INTU: variants seen among roughly 807,000 people sequenced by gnomAD.
The protein encoded by INTU is protein inturned.
INTU carries 68 observed loss-of-function variants against 100.5 expected under a neutral mutation model. The ratio of observed to expected loss-of-function variants is 0.68; its 90% CI spans 0.56 to 0.83. The LOEUF is 0.83. Among genes scored for constraint, INTU ranks in the 40% least tolerant of loss-of-function variants. The pLI is 0.00. For missense variants in INTU, 1,071 were observed against 1,114.7 expected (o/e 0.96, Z 0.56); for synonymous variants, 357 against 395.7 (o/e 0.90, Z 1.16).
intron 2 of INTU, among the ~76,000 whole-genome samples, chr4:127,650,198 TTTTTG>T (rs1035020188): frequency 2.6e-5 from 4 of 151,924 alleles, no homozygotes; most frequent in East Asian, 1.9e-4. Context: ...TTCAGGTGGG[TTTTTG>T]TTTTGTTTTG....
intron 2 of INTU, among the ~76,000 whole-genome samples, chr4:127,650,382 C>A (rs1336769628): frequency 1.6e-5 from 2 of 123,572 alleles, no homozygotes; most frequent in African/African-American, 3.1e-5. Flanking sequence ...CCTCCCCCCA[C>A]CCCACCACAG....
intron 2 of INTU, among the ~76,000 whole-genome samples, chr4:127,653,069 C>T (rs1424543711): frequency 6.6e-6 from 1 of 151,720 alleles, no homozygotes; most frequent in Non-Finnish European, 1.5e-5. Flanking sequence ...GTGGTGATAT[C>T]TCCTTTATCA....
chr4:127,663,527 T>G lies in INTU; in HGVS notation c.915T>G (p.Thr305=). The change falls in exon 4 of 16, where the codon ACT becomes ACG. Residue 305 remains threonine, a synonymous_variant. Transcript: ENST00000335251. ...GTATCCAGCAGAGTGGCCTAAACACTCCTCATATCATTATGTATCTCACAC... is the reference window on the plus strand; with the variant it reads ...GTATCCAGCAGAGTGGCCTAAACACGCCTCATATCATTATGTATCTCACAC... ...VEGIQQSGLN[T]PHIIMYLTLQ... 6.2e-7 allele frequency: 1 copy of G among 1,613,406 alleles called. No individual in the cohort carries two copies. Among genetic ancestry groups the G allele is most frequent in the Non-Finnish European group, 8.5e-7 (1 of 1,179,570 alleles).
chr4:127,677,123 C>T (rs1444845391), intron 6 of INTU, among the ~76,000 whole-genome samples: 3 of 152,216 alleles, frequency 2.0e-5, no homozygotes, highest in African/African-American at 7.2e-5. Context: ...GAGCCCACCA[C>T]AGCTCAAGGA....
At chr4:127,656,493 A>G (rs1578553342) in intron 2 of INTU, 143 bp from the exon 3 acceptor site, 1 of 590,008 alleles carries the variant, frequency 1.7e-6, no homozygotes, top group African/African-American at 1.8e-5. Flanking sequence ...AGCTGTATAA[A>G]CCTGGACAAG....
At chr4:127,669,215 A>G (rs1342752092) in intron 5 of INTU, 61 bp downstream of exon 5, 30 of 752,574 alleles carry the variant, frequency 4.0e-5, no homozygotes, top group Non-Finnish European at 5.9e-5. Context: ...TCACCCTGAC[A>G]AAATGCTAAA....
chr4:127,661,069 T>C (rs1193379175), intron 3 of INTU, among the ~76,000 whole-genome samples: 1 of 152,232 alleles, frequency 6.6e-6, no homozygotes, highest in Admixed American at 6.5e-5. Context: ...ATTTGTATTA[T>C]GGAGCCAACT....
chr4:127,671,104 A>C (rs906920747), intron 5 of INTU, among the ~76,000 whole-genome samples: 2 of 152,064 alleles, frequency 1.3e-5, no homozygotes, highest in Non-Finnish European at 2.9e-5. Flanking sequence ...AAACCAAAAA[A>C]TAGATAAGTA....
intron 2 of INTU, among the ~76,000 whole-genome samples, chr4:127,652,268 T>C (rs1226828748): frequency 6.4e-4 from 94 of 146,106 alleles, no homozygotes; most frequent in African/African-American, 1.7e-3. Context: ...TGAATAGGAG[T>C]GGTGAGAGAC....
At chr4:127,652,831 G>A (rs1461990475) in intron 2 of INTU, among the ~76,000 whole-genome samples, 1 of 132,908 alleles carries the variant, frequency 7.5e-6, no homozygotes, top group Non-Finnish European at 1.6e-5. Context: ...GTAGAATTCG[G>A]CTGTGAATCC....
At chr4:127,710,336 AATACAATAT>A (rs1382257159) in intron 13 of INTU, among the ~76,000 whole-genome samples, 3 of 151,928 alleles carry the variant, frequency 2.0e-5, no homozygotes, top group Non-Finnish European at 4.4e-5. Flanking sequence ...ATCTTTGTAA[AATACAATAT>A]ATATAATATA....
intron 3 of INTU, among the ~76,000 whole-genome samples, chr4:127,662,713 A>G (rs1041613959): frequency 6.6e-6 from 1 of 152,158 alleles, no homozygotes; most frequent in Non-Finnish European, 1.5e-5. Flanking sequence ...CTACCTTTCC[A>G]TACCTGTGGA....
At chr4:127,655,031 T>C (rs1465142387) in intron 2 of INTU, among the ~76,000 whole-genome samples, 1 of 152,172 alleles carries the variant, frequency 6.6e-6, no homozygotes, top group Admixed American at 6.5e-5. Flanking sequence ...CTGAGGCTTC[T>C]GCATTCTTCA....
chr4:127,679,188 G>C (rs1449642311), intron 6 of INTU, among the ~76,000 whole-genome samples: 1 of 152,144 alleles, frequency 6.6e-6, no homozygotes, highest in South Asian at 2.1e-4. Context: ...ACATTAGACA[G>C]ATCAATGAGA....
rs1294825553 is a variant in INTU, at chr4:127,722,061, C to T, written c.*5625C>T. ...AGGCACTCTGGCTTTCTGAGTTTTC[C>T]GTATCCTTGCATTCTTTCTCATCTT... On this transcript the variant is annotated 3_prime_UTR_variant, in exon 16 of 16. Transcript: ENST00000335251. 1 of 152,192 alleles carries T rather than the reference C, an allele frequency of 6.6e-6. No individual in the cohort carries two copies. The highest frequency in any genetic ancestry group is 6.5e-5 in the Admixed American group (1 of 15,268). The allele number at this position is 152,192 out of a possible 1,614,324, so 9.4% of individuals were successfully genotyped here.
At chr4:127,703,221 T>C (rs1730725104) in intron 9 of INTU, among the ~76,000 whole-genome samples, 1 of 152,206 alleles carries the variant, frequency 6.6e-6, no homozygotes, top group Admixed American at 6.5e-5. Context: ...TCACAATTTG[T>C]TTATCCATTC....
At chr4:127,679,773 T>C (rs1729427883) in intron 6 of INTU, among the ~76,000 whole-genome samples, 2 of 150,992 alleles carry the variant, frequency 1.3e-5, no homozygotes, top group Non-Finnish European at 3.0e-5. Flanking sequence ...CTGAAGGAAA[T>C]AGAGACACAA....
chr4:127,682,073 A>G (rs1450225063), intron 6 of INTU, among the ~76,000 whole-genome samples: 3 of 151,796 alleles, frequency 2.0e-5, no homozygotes, highest in African/African-American at 7.3e-5. Flanking sequence ...CACACCAGTT[A>G]GAATGGCAAT....
At chr4:127,680,811 T>C (rs1261962574) in intron 6 of INTU, among the ~76,000 whole-genome samples, 1 of 151,576 alleles carries the variant, frequency 6.6e-6, no homozygotes, top group Non-Finnish European at 1.5e-5. Flanking sequence ...GAAGTCAAAT[T>C]GTCCCTGTTT....
Sources: allele counts gnomAD v4.1 joint callset (sites outside exome capture counted in the v4.1 genomes callset), GRCh38; gene constraint gnomAD v4.1.1; transcripts MANE v1.5; gene names NCBI Gene and HGNC (gene_info 2026-07-23, HGNC 2026-07-21).